CCND2: variants seen among roughly 807,000 people sequenced by gnomAD.
The protein encoded by CCND2 is G1/S-specific cyclin-D2.
In CCND2, 6 loss-of-function variants were observed where a neutral mutation model predicts 30.2. The observed-to-expected ratio is 0.20, with a 90% CI of 0.11 to 0.39. The LOEUF (loss-of-function observed/expected upper bound fraction) is 0.39. CCND2 is among the 10% of genes least tolerant of loss of function. The pLI, the probability that CCND2 is intolerant of heterozygous loss-of-function variation, is 1.00. For synonymous variants in CCND2, 150 were observed against 153.1 expected (o/e 0.98, Z 0.15); for missense variants, 235 against 373.4 (o/e 0.63, Z 3.06).
rs143218551 is a variant in CCND2 at position 4,286,732 on chromosome 12, C to T, written c.572-2110C>T. Among the ~76,000 whole-genome samples, 43 of 152,332 alleles carry T rather than the reference C, an allele frequency of 2.8e-4. No individual in the cohort carries two copies. In the East Asian group the frequency reaches 6.9e-3, roughly 25 times the overall value. ...TCCCTGTGCAACCGGTGCACCTGTT[C>T]CCCCTATGCCTGCTGGCTTCCAGAA... On this transcript the variant is annotated intron_variant, in intron 3 of 4. Transcript: ENST00000261254.
At chr12:4,298,380 C>T (rs990587516) in intron 4 of CCND2, among the ~76,000 whole-genome samples, 1 of 152,096 alleles carries the variant, frequency 6.6e-6, no homozygotes, top group African/African-American at 2.4e-5. Context: ...AAATTTTGTT[C>T]CTTAGTGGTT....
Position 4,299,934 on chromosome 12 carries a change from A to T in CCND2, c.795A>T (p.Gln265His). ...GCCTGCAGCAGTACCGTCAGGACCAACGTGACGGATCCAAGTCGGAGGATG... is the reference window on the plus strand; with the variant it reads ...GCCTGCAGCAGTACCGTCAGGACCATCGTGACGGATCCAAGTCGGAGGATG... ...LNSLQQYRQDQRDGSKSEDEL... is the reference protein window; with the variant it reads ...LNSLQQYRQDHRDGSKSEDEL... Residue 265 changes from glutamine to histidine, a missense_variant, in exon 5 of 5, where the codon CAA becomes CAT. Gln to His is a conservative substitution (Grantham distance 24). Transcript: ENST00000261254. The surrounding 1 kb of genome is among the most constrained non-coding windows in gnomAD (Gnocchi z 5.2). 3 of 1,614,128 alleles carry T rather than the reference A, an allele frequency of 1.9e-6. No homozygotes were observed. The highest frequency in any genetic ancestry group is 2.2e-5 in the South Asian group (2 of 91,080).
rs577504801 is a variant in CCND2 at position 4,282,228 on chromosome 12, T to C, written c.571+3309T>C. Among the ~76,000 whole-genome samples, 1 of 152,146 alleles carries C rather than the reference T, an allele frequency of 6.6e-6. No individual in the cohort carries two copies. The highest frequency in any genetic ancestry group is 2.4e-5 in the African/African-American group (1 of 41,538). On this transcript the variant is annotated intron_variant, in intron 3 of 4. Transcript: ENST00000261254. This position sits in a 1 kb window ranked among gnomAD's most constrained non-coding sequence, Gnocchi z 4.3. The stretch of plus-strand genomic sequence containing the variant: ...CATTGAGTTTACACCTGGCACCGGG[T>C]AGGGGGAGGTGCTCACCCTCCCTCT...
chr12:4,283,517 G>C (rs916648991), intron 3 of CCND2, among the ~76,000 whole-genome samples: 1 of 152,252 alleles, frequency 6.6e-6, no homozygotes, highest in African/African-American at 2.4e-5. Flanking sequence ...ACATCAGCCA[G>C]ATCACTTCAT....
chr12:4,298,464 T>G lies in CCND2; in HGVS notation c.721-1396T>G, dbSNP rs3217912. The stretch of plus-strand genomic sequence containing the variant: ...GAGCTTGCTGTGTTGTCCAGGCTGG[T>G]ATCGAACTCCTGGTTTCAGCTTCCC... On this transcript the variant is annotated intron_variant, in intron 4 of 4. Coordinates refer to ENST00000261254, the MANE Select transcript of CCND2 (RefSeq NM_001759.4). Among the ~76,000 whole-genome samples the G allele has an allele frequency of 4.0e-3, 604 of 152,334 alleles. 20 individuals carry two copies. Among genetic ancestry groups the G allele is most frequent in the East Asian group, 0.038 (197 of 5,188 alleles).
At position 4,285,505 on chromosome 12, in the gene CCND2, A is replaced by T; in HGVS notation, c.572-3337A>T. ...CTCATCTGTGTTTCTCCCACCTAAC[A>T]GAACAGCTTTTATTTTCCGTGCATC... On this transcript the variant is annotated intron_variant, in intron 3 of 4. Transcript: ENST00000261254. The surrounding 1 kb of genome is among the most constrained non-coding windows in gnomAD (Gnocchi z 4.1). 1.3e-6 allele frequency: 1 copy of T among 782,558 alleles called. No homozygotes were observed. The highest frequency in any genetic ancestry group is 1.6e-6 in the Non-Finnish European group (1 of 644,942). 48.5% of individuals were successfully genotyped at this position (782,558 alleles called of 1,614,324 possible).
At position 4,274,488 on chromosome 12, in the gene CCND2, G is replaced by C. The variant is rs1421903619; in HGVS notation, c.195+253G>C. ...CTGGGCGGGGGTAGGGGAGCATCCCGCGCGCGTGTTCCTGCATGTGGCTGC... is the reference window on the plus strand; with the variant it reads ...CTGGGCGGGGGTAGGGGAGCATCCCCCGCGCGTGTTCCTGCATGTGGCTGC... On this transcript the variant is annotated intron_variant, in intron 1 of 4. Transcript: ENST00000261254. The surrounding 1 kb of genome is among the most constrained non-coding windows in gnomAD (Gnocchi z 7.7). 6.6e-6 allele frequency among the ~76,000 whole-genome samples: 1 copy of C among 152,222 alleles called. No homozygotes were observed. The highest frequency in any genetic ancestry group is 2.4e-5 in the African/African-American group (1 of 41,460).
chr12:4,279,758 C>T (rs1161764278), intron 3 of CCND2, among the ~76,000 whole-genome samples: 1 of 150,606 alleles, frequency 6.6e-6, no homozygotes, highest in Non-Finnish European at 1.5e-5. Context: ...ATGGCAGAGA[C>T]CCTGGAACCT....
intron 4 of CCND2, among the ~76,000 whole-genome samples, chr12:4,292,874 C>T (rs1864119152): frequency 6.6e-6 from 1 of 152,122 alleles, no homozygotes; most frequent in Admixed American, 6.5e-5. Flanking sequence ...AATCGGGGTC[C>T]TCTTCCATCC....
intron 4 of CCND2, among the ~76,000 whole-genome samples, chr12:4,292,562 C>A (rs776290112): frequency 6.6e-6 from 1 of 152,064 alleles, no homozygotes; most frequent in African/African-American, 2.4e-5. Context: ...GGGACGCATG[C>A]GGCTCTGAGA....
At chr12:4,289,026 G>A (rs1476938775) in intron 4 of CCND2, 36 bp downstream of exon 4, 4 of 1,576,448 alleles carry the variant, frequency 2.5e-6, no homozygotes, top group Admixed American at 1.8e-5. Flanking sequence ...AAGTCCAGAT[G>A]TCTCTTCTCA....
Position 4,303,966 on chromosome 12 carries a change from G to A in CCND2, c.*3957G>A, listed in dbSNP as rs1591652986. 8.6e-6 allele frequency: 2 copies of A among 233,332 alleles called. No individual in the cohort carries two copies. The highest frequency in any genetic ancestry group is 6.0e-5 in the East Asian group (1 of 16,592). 14.5% of individuals were successfully genotyped at this position (233,332 alleles called of 1,614,324 possible). A position where few individuals can be genotyped will look rare whatever the true frequency, so the allele number is the denominator to read the frequency against. On this transcript the variant is annotated 3_prime_UTR_variant, in exon 5 of 5. Transcript: ENST00000261254. This position sits in a 1 kb window ranked among gnomAD's most constrained non-coding sequence, Gnocchi z 4.6. ...TGACAGCATCACGCTGCATCCCATT[G>A]CTAGCAGGATTGGCAACTCTTCAGA...
chr12:4,293,124 G>A lies in CCND2; in HGVS notation c.720+4134G>A, dbSNP rs1864122486. On this transcript the variant is annotated intron_variant, in intron 4 of 4. Coordinates refer to ENST00000261254, the MANE Select transcript of CCND2 (RefSeq NM_001759.4). This position sits in a 1 kb window ranked among gnomAD's most constrained non-coding sequence, Gnocchi z 4.9. ...GTCTGTCCATGTCCTTTGAAAAGCT[G>A]TGTCTTTTCTTTAACTTCAATTCTG... Among the ~76,000 whole-genome samples the A allele has an allele frequency of 6.6e-6, 1 of 152,194 alleles. No homozygotes were observed. The highest frequency in any genetic ancestry group is 2.4e-5 in the African/African-American group (1 of 41,446).
intron 4 of CCND2, among the ~76,000 whole-genome samples, chr12:4,289,475 C>A (rs1864067985): frequency 6.6e-6 from 1 of 152,202 alleles, no homozygotes; most frequent in South Asian, 2.1e-4. Flanking sequence ...TGGCAAACCT[C>A]TCGACCCCTC....
At chr12:4,296,457 G>A (rs1009803769) in intron 4 of CCND2, among the ~76,000 whole-genome samples, 16 of 152,254 alleles carry the variant, frequency 1.1e-4, no homozygotes, top group African/African-American at 3.6e-4. Context: ...TACGCCTAAC[G>A]GGCATTTCTT....
chr12:4,297,259 T>C (rs964751834), intron 4 of CCND2, among the ~76,000 whole-genome samples: 1 of 152,146 alleles, frequency 6.6e-6, no homozygotes, highest in South Asian at 2.1e-4. Flanking sequence ...TCTACTGAAA[T>C]GCAAGTGCCC....
rs1381726876 is a variant in CCND2 at position 4,299,476 on chromosome 12, T to G, written c.721-384T>G. On this transcript the variant is annotated intron_variant, in intron 4 of 4. Coordinates refer to ENST00000261254, the MANE Select transcript of CCND2 (RefSeq NM_001759.4). The surrounding 1 kb of genome is among the most constrained non-coding windows in gnomAD (Gnocchi z 5.2). ...TAGCCTTCCCCTTTTCTCTGCCACT[T>G]CCCAGCTTCCCCAGGCAGAAAGCAT... Among the ~76,000 whole-genome samples, 1 of 152,172 alleles carries G rather than the reference T, an allele frequency of 6.6e-6. No individual in the cohort carries two copies. Among genetic ancestry groups the G allele is most frequent in the Non-Finnish European group, 1.5e-5 (1 of 68,026 alleles).
In CCND2 at chr12:4,303,160, C is replaced by G. The variant is rs1440384166; in HGVS notation, c.*3151C>G. ...GACTCTATTTACAGTCTGTAACTTT[C>G]CACTCTTCCTGTAGTCCCGAGGCCC... On this transcript the variant is annotated 3_prime_UTR_variant, in exon 5 of 5. Coordinates refer to ENST00000261254, the MANE Select transcript of CCND2 (RefSeq NM_001759.4). The surrounding 1 kb of genome is among the most constrained non-coding windows in gnomAD (Gnocchi z 4.6). 1 of 233,246 alleles carries G rather than the reference C, an allele frequency of 4.3e-6. No homozygotes were observed. The highest frequency in any genetic ancestry group is 8.5e-6 in the Non-Finnish European group (1 of 118,134). The allele number at this position is 233,246 out of a possible 1,614,324, so 14.4% of individuals were successfully genotyped here. A position where few individuals can be genotyped will look rare whatever the true frequency, so the allele number is the denominator to read the frequency against.
At chr12:4,288,508 C>G (rs193295533) in intron 3 of CCND2, among the ~76,000 whole-genome samples, 19 of 152,278 alleles carry the variant, frequency 1.2e-4, no homozygotes, top group Middle Eastern at 3.4e-3. Context: ...TTGCTCCCCC[C>G]ACCAGGGTCA....
Sources: allele counts gnomAD v4.1 joint callset (sites outside exome capture counted in the v4.1 genomes callset), GRCh38; gene constraint gnomAD v4.1.1; non-coding constraint Gnocchi (gnomAD v3.1); transcripts MANE v1.5; gene names NCBI Gene and HGNC (gene_info 2026-07-23, HGNC 2026-07-21).